Variants in TOP2B observed in about 807,000 individuals in gnomAD.
TOP2B encodes DNA topoisomerase 2-beta.
A neutral mutation model predicts 193.5 loss-of-function variants in TOP2B; 51 were observed. The ratio of observed to expected loss-of-function variants is 0.26; its 90% confidence interval spans 0.21 to 0.33. TOP2B has a LOEUF of 0.33. TOP2B is among the 10% of genes least tolerant of loss of function. TOP2B has a pLI of 1.00. For synonymous variants in TOP2B, 634 were observed against 635.7 expected, an observed-to-expected ratio of 1.00 and a Z score of 0.04; for missense variants, 1,378 against 1,909.3, an observed-to-expected ratio of 0.72 and a Z score of 5.19.
At chr3:25,599,398 A>G in intron 35 of TOP2B, 37 bp downstream of exon 35, 1 of 1,587,536 alleles carries the variant, frequency 6.3e-7, no homozygotes, top group Non-Finnish European at 8.6e-7. Context: ...TTTTTTTAAA[A>G]AGCCATGCAC....
At chr3:25,632,390 A>G in intron 10 of TOP2B, 56 bp downstream of exon 10, 1 of 1,420,432 alleles carries the variant, frequency 7.0e-7, no homozygotes, top group Non-Finnish European at 9.5e-7. Flanking sequence ...TAAATCAAGA[A>G]AACTACCTAA....
intron 1 of TOP2B, among the ~76,000 whole-genome samples, chr3:25,648,892 G>C (rs1296529014): frequency 2.6e-5 from 4 of 151,950 alleles, no homozygotes; most frequent in Non-Finnish European, 4.4e-5. Context: ...ACCACAAATT[G>C]AGCCTAAAGA....
At chr3:25,632,610 A>C in intron 9 of TOP2B, 27 bp from the exon 10 acceptor site, 1 of 1,601,724 alleles carries the variant, frequency 6.2e-7, no homozygotes, top group Middle Eastern at 1.7e-4. Flanking sequence ...CAAAAAAGTC[A>C]ATATCAGAGC....
chr3:25,638,497 C>T (rs1703170789), intron 4 of TOP2B, among the ~76,000 whole-genome samples, 187 bp from the exon 5 acceptor site: 1 of 151,748 alleles, frequency 6.6e-6, no homozygotes, highest in African/African-American at 2.4e-5. Context: ...TGAGGACAAA[C>T]ATTTCTTTCC....
At chr3:25,664,114 G>A (rs1188236537) in intron 1 of TOP2B, 115 bp downstream of exon 1, 15 of 1,451,780 alleles carry the variant, frequency 1.0e-5, no homozygotes, top group Middle Eastern at 2.4e-4. Flanking sequence ...CCTATGGAGC[G>A]CCCGTTCGGG....
chr3:25,649,417 C>A (rs1428217335), intron 1 of TOP2B, among the ~76,000 whole-genome samples: 1 of 151,918 alleles, frequency 6.6e-6, no homozygotes, highest in Non-Finnish European at 1.5e-5. Flanking sequence ...AAGGATAAAT[C>A]TAAAGAAAAC....
At chr3:25,601,512 G>C (rs1259754839) in intron 33 of TOP2B, among the ~76,000 whole-genome samples, 1 of 152,120 alleles carries the variant, frequency 6.6e-6, no homozygotes, top group Non-Finnish European at 1.5e-5. Context: ...CCAGCTACTT[G>C]GGAGGCTGAG....
Position 25,618,808 on chromosome 3 carries a change from A to T in TOP2B, c.3105T>A (p.Thr1035=). 7 of 1,609,198 alleles carry T rather than the reference A, an allele frequency of 4.3e-6. No homozygotes were observed. Among genetic ancestry groups the T allele is most frequent in the Non-Finnish European group, 5.9e-6 (7 of 1,177,528 alleles). ...DHMGCLKKYE[T]VQDILKEFFD... is the part of the protein sequence containing the mutation. ...AGAATTCTTTCAGAATGTCTTGCACAGTTTCATATTTCTTCAGACATCCCA... is the reference window on the plus strand; with the variant it reads ...AGAATTCTTTCAGAATGTCTTGCACTGTTTCATATTTCTTCAGACATCCCA... The change falls in exon 24 of 36, where the codon ACT becomes ACA. Residue 1035 remains threonine (T), a synonymous_variant. Transcript: ENST00000264331.
chr3:25,634,104 T>G (rs528516801), intron 7 of TOP2B, 90 bp from the exon 8 acceptor site: 79 of 977,748 alleles, frequency 8.1e-5, no homozygotes, highest in Middle Eastern at 3.1e-4. Flanking sequence ...TTTCATTTCC[T>G]CTCACTTACA....
At chr3:25,602,548 G>A (rs547561681) in intron 33 of TOP2B, among the ~76,000 whole-genome samples, 10 of 149,064 alleles carry the variant, frequency 6.7e-5, no homozygotes, top group Admixed American at 1.3e-4. Flanking sequence ...TATTCCAGTC[G>A]CAATTTGAGA....
intron 34 of TOP2B, among the ~76,000 whole-genome samples, chr3:25,600,261 A>C (rs1306933233): frequency 2.6e-5 from 4 of 152,316 alleles, no homozygotes; most frequent in African/African-American, 7.2e-5. Context: ...AAAACAACTA[A>C]ATAGCAATTT....
At chr3:25,631,158 T>C (rs1383130661) in intron 10 of TOP2B, among the ~76,000 whole-genome samples, 2 of 152,090 alleles carry the variant, frequency 1.3e-5, no homozygotes, top group South Asian at 4.1e-4. Flanking sequence ...GGATAACTTT[T>C]ACATATGAGA....
intron 27 of TOP2B, 90 bp downstream of exon 27, chr3:25,615,115 T>A (rs182189233): frequency 7.7e-5 from 88 of 1,147,972 alleles, no homozygotes; most frequent in Middle Eastern, 4.7e-4. Flanking sequence ...TTCACAGAGT[T>A]AAAGAAAACT....
At chr3:25,642,166 T>C (rs539911267) in intron 4 of TOP2B, among the ~76,000 whole-genome samples, 156 bp downstream of exon 4, 2 of 152,086 alleles carry the variant, frequency 1.3e-5, no homozygotes, top group Admixed American at 1.3e-4. Context: ...GAAAAGACAA[T>C]AAATGACACA....
Position 25,664,614 on chromosome 3 carries a change from G to A in TOP2B, c.-317C>T, listed in dbSNP as rs1209445493. ...GCCTTCTCGCCCGCCCGCGGGCGCC[G>A]CTGCAGGCCGGGCTGAAGCCCGGGC... is the stretch of plus-strand genomic sequence containing the variant. On this transcript the variant is annotated 5_prime_UTR_variant, in exon 1 of 36. Transcript: ENST00000264331. 2.0e-6 allele frequency: 2 copies of A among 995,988 alleles called. No individual in the cohort carries two copies. Among genetic ancestry groups the A allele is most frequent in the Non-Finnish European group, 1.2e-6 (1 of 837,620 alleles). The allele number at this position is 995,988 out of a possible 1,614,324, so 61.7% of individuals were successfully genotyped here.
At chr3:25,613,017 G>C (rs572202349) in intron 27 of TOP2B, among the ~76,000 whole-genome samples, 20 of 152,074 alleles carry the variant, frequency 1.3e-4, no homozygotes, top group Admixed American at 3.3e-4. Flanking sequence ...CAAGACCTCT[G>C]ATAACCTAGT....
intron 31 of TOP2B, among the ~76,000 whole-genome samples, 186 bp downstream of exon 31, chr3:25,606,985 T>C (rs1240522460): frequency 6.6e-6 from 1 of 152,196 alleles, no homozygotes; most frequent in Non-Finnish European, 1.5e-5. Context: ...TGGAAAAAGT[T>C]TGCCAATCCT....
At chr3:25,615,128 A>T in intron 27 of TOP2B, 77 bp downstream of exon 27, 1 of 1,312,406 alleles carries the variant, frequency 7.6e-7, no homozygotes, top group African/African-American at 1.5e-5. Flanking sequence ...AGAAAACTTT[A>T]AGATCACTTA....
intron 1 of TOP2B, 22 bp downstream of exon 1, chr3:25,664,207 G>T: frequency 6.6e-7 from 1 of 1,516,266 alleles, no homozygotes; most frequent in Non-Finnish European, 8.8e-7. Context: ...GCAGCCGCCC[G>T]TCCCGGGGAC....
Sources: gnomAD v4.1 joint callset for allele counts (sites outside exome capture counted in the v4.1 genomes callset) on GRCh38, gnomAD v4.1.1 for gene constraint, MANE v1.5 for transcripts, NCBI Gene and HGNC (gene_info 2026-07-23, HGNC 2026-07-21) for gene names.